The following RHOU variants were observed in gnomAD, a reference collection of about 807,000 sequenced individuals.
RHOU encodes ras homolog family member U.
In RHOU, 8 loss-of-function variants were observed where a neutral mutation model predicts 12.6. The ratio of observed to expected loss-of-function variants is 0.64; its 90% CI spans 0.37 to 1.15. RHOU has a LOEUF of 1.15. RHOU is among the 50% of genes most tolerant of loss of function. The pLI, the probability that RHOU is intolerant of heterozygous loss-of-function variation, is 0.01. For missense variants in RHOU, 258 were observed against 347.0 expected, an observed-to-expected ratio of 0.74 and a Z score of 2.04; for synonymous variants, 161 against 147.4, an observed-to-expected ratio of 1.09 and a Z score of -0.67.
chr1:228,650,554 G>C, the RHOU span: 1 of 457,016 alleles, frequency 2.2e-6, no homozygotes, highest in Admixed American at 2.4e-5. Context: ...TGCCCGGCGG[G>C]TTGTCCTCAC....
At chr1:228,677,718 G>A in the RHOU span, among the ~76,000 whole-genome samples, 1 of 152,092 alleles carries the variant, frequency 6.6e-6, no homozygotes, top group Non-Finnish European at 1.5e-5. Flanking sequence ...ACTTCATCAG[G>A]GTGAAAGTAT....
At chr1:228,650,574 C>A in the RHOU span, 1 of 455,840 alleles carries the variant, frequency 2.2e-6, no homozygotes, top group South Asian at 1.5e-5. Context: ...CCTCACTGCT[C>A]GCCTGCCTGC....
the RHOU span, among the ~76,000 whole-genome samples, chr1:228,646,767 C>T: frequency 2.0e-5 from 3 of 152,046 alleles, no homozygotes; most frequent in Non-Finnish European, 4.4e-5. Context: ...CGTTCTCGTT[C>T]CGGAACCCGC....
chr1:228,722,825 G>T, the RHOU span, among the ~76,000 whole-genome samples: 2 of 152,048 alleles, frequency 1.3e-5, no homozygotes, highest in Admixed American at 6.5e-5. Context: ...GTTTCACCAC[G>T]TTGGCCAGGA....
chr1:228,679,905 G>A, the RHOU span, among the ~76,000 whole-genome samples: 1 of 152,064 alleles, frequency 6.6e-6, no homozygotes, highest in Admixed American at 6.6e-5. Flanking sequence ...GGAATAGTCA[G>A]GGAAGCATGT....
At chr1:228,700,629 C>T in the RHOU span, among the ~76,000 whole-genome samples, 2 of 152,056 alleles carry the variant, frequency 1.3e-5, no homozygotes, top group African/African-American at 4.8e-5. Context: ...TTTCTAAGGA[C>T]ATAATAACCA....
the RHOU span, among the ~76,000 whole-genome samples, chr1:228,668,120 C>A: frequency 6.6e-6 from 1 of 152,220 alleles, no homozygotes; most frequent in Non-Finnish European, 1.5e-5. Context: ...GACCCCAAAG[C>A]AATGGGGTTG....
chr1:228,647,191 G>A, the RHOU span, among the ~76,000 whole-genome samples: 585 of 152,332 alleles, frequency 3.8e-3, 3 homozygotes, highest in African/African-American at 0.013. Context: ...GAGGACCAAC[G>A]GAGCGCTGAG....
the RHOU span, among the ~76,000 whole-genome samples, chr1:228,678,215 C>T: frequency 2.8e-4 from 43 of 152,210 alleles, no homozygotes; most frequent in African/African-American, 7.9e-4. Context: ...TTCTAAGAGG[C>T]GGGCTAGCAG....
the RHOU span, among the ~76,000 whole-genome samples, chr1:228,680,587 G>T: frequency 6.6e-6 from 1 of 152,160 alleles, no homozygotes; most frequent in African/African-American, 2.4e-5. Flanking sequence ...AGGCGAGGTT[G>T]ATTAATTCCT....
the RHOU span, among the ~76,000 whole-genome samples, chr1:228,648,559 C>T: frequency 6.6e-6 from 1 of 152,214 alleles, no homozygotes; most frequent in Non-Finnish European, 1.5e-5. Flanking sequence ...TTCACCCACC[C>T]AGAGCCGTTT....
the RHOU span, among the ~76,000 whole-genome samples, chr1:228,677,640 G>T: frequency 6.6e-6 from 1 of 152,168 alleles, no homozygotes; most frequent in African/African-American, 2.4e-5. Context: ...GGAGATAGCT[G>T]CGGAGAGGTA....
At chr1:228,652,667 G>T in the RHOU span, 1 of 152,168 alleles carries the variant, frequency 6.6e-6, no homozygotes, top group Non-Finnish European at 1.5e-5. Flanking sequence ...TGGGAAAAAA[G>T]ATGTCCATAA....
chr1:228,680,851 C>A, the RHOU span, among the ~76,000 whole-genome samples: 3 of 152,158 alleles, frequency 2.0e-5, no homozygotes, highest in Non-Finnish European at 4.4e-5. Flanking sequence ...AGCCCTTCAA[C>A]TAGGCAAGAA....
the RHOU span, among the ~76,000 whole-genome samples, chr1:228,661,257 T>C: frequency 6.6e-6 from 1 of 152,194 alleles, no homozygotes; most frequent in Non-Finnish European, 1.5e-5. Flanking sequence ...ATGGCCGTAC[T>C]GCCCAAGGTA....
chr1:228,656,712 T>G, the RHOU span, among the ~76,000 whole-genome samples: 3 of 152,122 alleles, frequency 2.0e-5, no homozygotes, highest in Non-Finnish European at 4.4e-5. Flanking sequence ...AGAAAGGAAT[T>G]AAAATTATTC....
At chr1:228,723,148 G>A in the RHOU span, among the ~76,000 whole-genome samples, 15 of 151,732 alleles carry the variant, frequency 9.9e-5, no homozygotes, top group African/African-American at 3.7e-4. Flanking sequence ...TCCGATGAGT[G>A]GAGGAACACC....
At chr1:228,676,181 G>C in the RHOU span, among the ~76,000 whole-genome samples, 1 of 150,250 alleles carries the variant, frequency 6.7e-6, no homozygotes, top group Non-Finnish European at 1.5e-5. Flanking sequence ...TGTTGCACCA[G>C]GCTGGCCTTG....
the RHOU span, among the ~76,000 whole-genome samples, chr1:228,655,005 C>T: frequency 1.3e-5 from 2 of 152,132 alleles, no homozygotes; most frequent in Admixed American, 1.3e-4. Context: ...TCACCTAGTT[C>T]CCTATAATGA....
Sources: allele counts gnomAD v4.1 joint callset (sites outside exome capture counted in the v4.1 genomes callset), GRCh38; gene constraint gnomAD v4.1.1; transcripts MANE v1.5; gene names NCBI Gene and HGNC (gene_info 2026-07-23, HGNC 2026-07-21).